The following LRRC69 variants were observed in gnomAD, a reference collection of about 807,000 sequenced individuals.
LRRC69 encodes the protein leucine-rich repeat-containing protein 69.
In LRRC69, 42 loss-of-function variants were observed where a neutral mutation model predicts 37.8. The observed-to-expected ratio is 1.11, with a 90% confidence interval of 0.87 to 1.44. LRRC69 has a LOEUF of 1.44. LRRC69 is among the 40% of genes most tolerant of loss of function. The pLI, the probability that LRRC69 is intolerant of heterozygous loss-of-function variation, is 0.00. For missense variants in LRRC69, 357 were observed against 401.9 expected (o/e 0.89, Z 0.96); for synonymous variants, 141 against 143.1 (o/e 0.99, Z 0.11).
At chr8:91,196,509 C>A (rs560768697) in intron 6 of LRRC69, among the ~76,000 whole-genome samples, 1 of 152,136 alleles carries the variant, frequency 6.6e-6, no homozygotes, top group Admixed American at 6.5e-5. Flanking sequence ...GGTCTTTTCA[C>A]ATAGTCCCAT....
intron 5 of LRRC69, among the ~76,000 whole-genome samples, chr8:91,146,778 T>G (rs1808626523): frequency 6.6e-6 from 1 of 151,824 alleles, no homozygotes; most frequent in African/African-American, 2.4e-5. Flanking sequence ...TAAAGTTGTT[T>G]TAAGGCAGTG....
intron 5 of LRRC69, among the ~76,000 whole-genome samples, chr8:91,173,039 C>T (rs1475676040): frequency 6.6e-6 from 1 of 151,994 alleles, no homozygotes; most frequent in African/African-American, 2.4e-5. Context: ...TCTGATTCTT[C>T]TCTGGTGTTG....
chr8:91,216,098 A>C (rs536919946), intron 7 of LRRC69, among the ~76,000 whole-genome samples: 3 of 152,192 alleles, frequency 2.0e-5, no homozygotes, highest in Non-Finnish European at 4.4e-5. Context: ...TTGTATAAGA[A>C]ATAGAAATTA....
chr8:91,149,281 C>T (rs551251489), intron 5 of LRRC69, among the ~76,000 whole-genome samples: 14 of 152,094 alleles, frequency 9.2e-5, no homozygotes, highest in Admixed American at 2.6e-4. Context: ...AGGAAGGGAT[C>T]CAGTTTCAGC....
At chr8:91,179,664 A>G (rs890577877) in intron 5 of LRRC69, among the ~76,000 whole-genome samples, 2 of 152,240 alleles carry the variant, frequency 1.3e-5, no homozygotes, top group Non-Finnish European at 2.9e-5. Flanking sequence ...TTTTGACCCT[A>G]GGCATTCACT....
intron 5 of LRRC69, among the ~76,000 whole-genome samples, chr8:91,154,761 A>G (rs1238916947): frequency 1.3e-5 from 2 of 151,800 alleles, no homozygotes; most frequent in Non-Finnish European, 2.9e-5. Context: ...ACCCACAGCC[A>G]ATATCACATG....
chr8:91,187,932 G>T (rs1388259338), intron 5 of LRRC69, among the ~76,000 whole-genome samples: 2 of 152,060 alleles, frequency 1.3e-5, no homozygotes, highest in Admixed American at 6.6e-5. Flanking sequence ...CTCTGTATTG[G>T]TTTTTTCTTA....
chr8:91,196,532 G>GT (rs979068937), intron 6 of LRRC69, among the ~76,000 whole-genome samples: 2 of 151,948 alleles, frequency 1.3e-5, no homozygotes, highest in African/African-American at 2.4e-5. Context: ...TTCTTGGAGG[G>GT]TTTGCTCATT....
chr8:91,146,315 G>C (rs879738340), intron 5 of LRRC69, among the ~76,000 whole-genome samples: 1 of 151,804 alleles, frequency 6.6e-6, no homozygotes, highest in Non-Finnish European at 1.5e-5. Flanking sequence ...CATCTCTCTT[G>C]TTGAGAGGCC....
chr8:91,126,869 T>C (rs1056054141), intron 2 of LRRC69, among the ~76,000 whole-genome samples: 1 of 152,058 alleles, frequency 6.6e-6, no homozygotes, highest in African/African-American at 2.4e-5. Flanking sequence ...TGAGCCTGGT[T>C]GCATCCTCAT....
At chr8:91,148,527 G>A (rs1156647458) in intron 5 of LRRC69, among the ~76,000 whole-genome samples, 1 of 151,946 alleles carries the variant, frequency 6.6e-6, no homozygotes, top group African/African-American at 2.4e-5. Context: ...ATCGTGAATA[G>A]TGCCGCAATA....
At chr8:91,120,298 C>T (rs1813596475) in intron 1 of LRRC69, among the ~76,000 whole-genome samples, 2 of 152,012 alleles carry the variant, frequency 1.3e-5, no homozygotes, top group Admixed American at 1.3e-4. Flanking sequence ...TTTTAAAATA[C>T]TTTTTGTTTC....
At chr8:91,186,906 T>C (rs754857641) in intron 5 of LRRC69, among the ~76,000 whole-genome samples, 7 of 151,922 alleles carry the variant, frequency 4.6e-5, no homozygotes, top group Non-Finnish European at 8.8e-5. Context: ...AAGTGGGTGA[T>C]GAGAAAAAGG....
intron 5 of LRRC69, among the ~76,000 whole-genome samples, chr8:91,142,051 T>C: frequency 6.6e-6 from 1 of 152,056 alleles, no homozygotes; most frequent in East Asian, 1.9e-4. Context: ...AAATTTTATA[T>C]TTCCTTTGAA....
chr8:91,112,038 T>C (rs1275769346), intron 1 of LRRC69, among the ~76,000 whole-genome samples: 1 of 151,814 alleles, frequency 6.6e-6, no homozygotes, highest in African/African-American at 2.4e-5. Context: ...AGCACGAAAA[T>C]CTGTTATAAT....
At chr8:91,189,451 A>T in intron 5 of LRRC69, 71 bp from the exon 6 acceptor site, 1 of 983,370 alleles carries the variant, frequency 1.0e-6, no homozygotes, top group Non-Finnish European at 1.5e-6. Flanking sequence ...GTTTAATTTT[A>T]TTAAAAATGT....
chr8:91,199,051 A>G (rs528395378), intron 6 of LRRC69, among the ~76,000 whole-genome samples: 1 of 152,296 alleles, frequency 6.6e-6, no homozygotes, highest in African/African-American at 2.4e-5. Context: ...ATATGAACCT[A>G]TTTTTAGGTC....
chr8:91,124,269 T>C (rs1380657365), intron 1 of LRRC69, among the ~76,000 whole-genome samples: 2 of 152,030 alleles, frequency 1.3e-5, no homozygotes, highest in Non-Finnish European at 2.9e-5. Flanking sequence ...ACTTAAGTGC[T>C]CTAATTAAAA....
At chr8:91,144,620 C>T (rs4392858) in intron 5 of LRRC69, among the ~76,000 whole-genome samples, 103,129 of 151,758 alleles carry the variant, frequency 0.68, 35,605 homozygotes, top group Middle Eastern at 0.74. Context: ...CTTATCCTGA[C>T]GTCTCTTCTT....
Sources: allele counts gnomAD v4.1 joint callset (sites outside exome capture counted in the v4.1 genomes callset), GRCh38; gene constraint gnomAD v4.1.1; transcripts MANE v1.5; gene names NCBI Gene and HGNC (gene_info 2026-07-23, HGNC 2026-07-21).